Variants in NRXN3 observed in about 807,000 individuals in gnomAD.
NRXN3 encodes neurexin III.
A neutral mutation model predicts 137.6 loss-of-function variants in NRXN3; 32 were observed. The ratio of observed to expected loss-of-function variants is 0.23; its 90% CI spans 0.18 to 0.31. The LOEUF is 0.31. NRXN3 is among the 10% of genes least tolerant of loss of function. The pLI is 1.00. For missense variants in NRXN3, 1,574 were observed against 2,062.5 expected (o/e 0.76, Z 4.59); for synonymous variants, 798 against 784.5 (o/e 1.02, Z -0.29).
At chr14:78,574,009 C>T (rs1351039044) in intron 4 of NRXN3, among the ~76,000 whole-genome samples, 1 of 152,216 alleles carries the variant, frequency 6.6e-6, no homozygotes, top group East Asian at 1.9e-4. Flanking sequence ...TGCTCTGCAT[C>T]CCAGCTGTGG....
chr14:78,799,868 GA>G (rs1461478176), intron 8 of NRXN3, among the ~76,000 whole-genome samples: 1 of 152,026 alleles, frequency 6.6e-6, no homozygotes, highest in Non-Finnish European at 1.5e-5. Context: ...CAGTATGGGG[GA>G]AACTGCCCCC....
intron 16 of NRXN3, among the ~76,000 whole-genome samples, chr14:79,471,313 CG>C (rs2096504097): frequency 6.6e-6 from 1 of 152,116 alleles, no homozygotes; most frequent in Non-Finnish European, 1.5e-5. Flanking sequence ...ATGAGAACAG[CG>C]GGCAAATCCA....
chr14:79,181,331 TG>T (rs976294764), intron 15 of NRXN3, among the ~76,000 whole-genome samples: 1 of 152,076 alleles, frequency 6.6e-6, no homozygotes, highest in African/African-American at 2.4e-5. Context: ...AAACCTATGG[TG>T]GGGAGTAAAA....
intron 15 of NRXN3, among the ~76,000 whole-genome samples, chr14:79,002,344 A>C (rs368359950): frequency 1.3e-5 from 2 of 151,944 alleles, no homozygotes; most frequent in African/African-American, 4.8e-5. Context: ...TCCATTAGGT[A>C]TTTTTCCTAA....
intron 10 of NRXN3, among the ~76,000 whole-genome samples, chr14:78,858,641 AC>A (rs1199633206): frequency 3.2e-4 from 48 of 152,270 alleles, no homozygotes; most frequent in African/African-American, 1.1e-3. Context: ...ACTCTGTCTC[AC>A]CCTGACATTT....
chr14:78,955,208 A>G (rs1003469102), intron 10 of NRXN3, among the ~76,000 whole-genome samples: 2 of 152,154 alleles, frequency 1.3e-5, no homozygotes, highest in African/African-American at 2.4e-5. Context: ...TAGAATAAAG[A>G]GGATAAAAAC....
intron 6 of NRXN3, among the ~76,000 whole-genome samples, chr14:78,686,459 C>A (rs919440522): frequency 6.6e-6 from 1 of 152,152 alleles, no homozygotes; most frequent in Non-Finnish European, 1.5e-5. Flanking sequence ...GATGGTGGAG[C>A]ACAACATTGG....
At chr14:78,472,199 AG>A (rs2153730310) in intron 4 of NRXN3, among the ~76,000 whole-genome samples, 1 of 152,256 alleles carries the variant, frequency 6.6e-6, no homozygotes, top group South Asian at 2.1e-4. Context: ...CAGATGAAGT[AG>A]TTTTGCCTCT....
intron 14 of NRXN3, among the ~76,000 whole-genome samples, chr14:78,980,056 T>G (rs1481194406): frequency 6.6e-6 from 1 of 152,218 alleles, no homozygotes; most frequent in Non-Finnish European, 1.5e-5. Flanking sequence ...AGGCAAACCC[T>G]TTGGTTAACA....
At chr14:78,837,094 T>A (rs781166979) in intron 10 of NRXN3, among the ~76,000 whole-genome samples, 5 of 152,188 alleles carry the variant, frequency 3.3e-5, no homozygotes, top group Admixed American at 6.5e-5. Context: ...CGGAGATTAG[T>A]GTGAGAGGCT....
At chr14:79,770,594 A>G (rs1050180736) in intron 19 of NRXN3, among the ~76,000 whole-genome samples, 6 of 150,660 alleles carry the variant, frequency 4.0e-5, no homozygotes, top group Non-Finnish European at 8.8e-5. Context: ...AAGACACAAC[A>G]TACTAGAATC....
Position 79,289,493 on chromosome 14 carries a change from G to A in NRXN3, c.3263-177728G>A, listed in dbSNP as rs111980802. Among the ~76,000 whole-genome samples the A allele has an allele frequency of 8.2e-3, 1,249 of 152,170 alleles. 14 individuals are homozygous for A. Among genetic ancestry groups the A allele is most frequent in the African/African-American group, 0.028 (1,182 of 41,528 alleles). ...AAATTAGCTGGGCGTGGTGGCATAC[G>A]CCTGTAATCTCAGCTACTCAGGAGG... On this transcript the variant is annotated intron_variant, in intron 15 of 20. Coordinates refer to ENST00000335750, the MANE Select transcript of NRXN3 (RefSeq NM_001330195.2).
chr14:79,270,303 C>G (rs2079106404), intron 15 of NRXN3, among the ~76,000 whole-genome samples: 1 of 152,102 alleles, frequency 6.6e-6, no homozygotes, highest in African/African-American at 2.4e-5. Flanking sequence ...GGTTCCCCCA[C>G]CACACACACA....
chr14:79,796,981 A>G (rs1315250738), intron 19 of NRXN3, among the ~76,000 whole-genome samples: 1 of 152,172 alleles, frequency 6.6e-6, no homozygotes, highest in African/African-American at 2.4e-5. Flanking sequence ...AAATCTCAGT[A>G]GTCTATAAAG....
At chr14:79,690,809 T>C (rs1368038410) in intron 17 of NRXN3, among the ~76,000 whole-genome samples, 2 of 152,180 alleles carry the variant, frequency 1.3e-5, no homozygotes, top group East Asian at 1.9e-4. Flanking sequence ...TATATGGAGA[T>C]GGCCCTGCAA....
intron 15 of NRXN3, among the ~76,000 whole-genome samples, chr14:79,157,207 G>T (rs990225205): frequency 1.3e-5 from 2 of 151,716 alleles, no homozygotes; most frequent in African/African-American, 2.4e-5. Context: ...AATATTCAAG[G>T]TATAGCAGTG....
At chr14:78,389,125 G>A (rs1598120047) in intron 4 of NRXN3, among the ~76,000 whole-genome samples, 1 of 150,940 alleles carries the variant, frequency 6.6e-6, no homozygotes, top group Non-Finnish European at 1.5e-5. Flanking sequence ...ACACCATCTC[G>A]GCTCACTGCA....
intron 10 of NRXN3, among the ~76,000 whole-genome samples, chr14:78,880,194 C>G (rs1331784856): frequency 7.4e-6 from 1 of 135,974 alleles, no homozygotes; most frequent in Non-Finnish European, 1.5e-5. Context: ...GAGCCGAGAT[C>G]CCGCCACTGC....
chr14:79,505,543 T>C (rs1371837564), intron 16 of NRXN3, among the ~76,000 whole-genome samples: 1 of 152,186 alleles, frequency 6.6e-6, no homozygotes, highest in African/African-American at 2.4e-5. Context: ...CACCCCTAAC[T>C]TCATTGGTGA....
Sources: gnomAD v4.1 joint callset for allele counts (sites outside exome capture counted in the v4.1 genomes callset) on GRCh38, gnomAD v4.1.1 for gene constraint, MANE v1.5 for transcripts, NCBI Gene and HGNC (gene_info 2026-07-23, HGNC 2026-07-21) for gene names.